PHF1: variants seen among roughly 807,000 people sequenced by gnomAD.
PHF1 encodes the protein polycomb-like 1.
Under a neutral mutation model 69.4 loss-of-function variants are expected in PHF1, and 16 were observed. The ratio of observed to expected loss-of-function variants is 0.23; its 90% CI spans 0.16 to 0.35. PHF1 has a LOEUF of 0.35. PHF1 is among the 10% of genes least tolerant of loss of function. The pLI is 1.00. For synonymous variants in PHF1, 274 were observed against 275.0 expected, an observed-to-expected ratio of 1.00 and a Z score of 0.04; for missense variants, 515 against 732.8, an observed-to-expected ratio of 0.70 and a Z score of 3.43.
At chr6:33,415,527 T>G in intron 13 of PHF1, 63 bp from the exon 14 acceptor site, 2 of 1,538,560 alleles carry the variant, frequency 1.3e-6, no homozygotes, top group Non-Finnish European at 1.8e-6. Flanking sequence ...GCTCTGCACT[T>G]CCCAGGGGGA....
chr6:33,412,494 C>G lies in PHF1; in HGVS notation c.160-14C>G. On this transcript the variant is annotated splice_polypyrimidine_tract_variant and intron_variant, in intron 2 of 14. Transcript: ENST00000374516. The surrounding 1 kb of genome is among the most constrained non-coding windows in gnomAD (Gnocchi z 4.2). ...TCTGGTTCCCATTTCATCCTGTTTG[C>G]TCACCCATTCCAGGTGGACAGTGCT... 1.2e-6 allele frequency: 2 copies of G among 1,614,210 alleles called. No individual in the cohort carries two copies. Among genetic ancestry groups the G allele is most frequent in the Non-Finnish European group, 8.5e-7 (1 of 1,180,006 alleles).
chr6:33,412,887 C>T lies in PHF1; in HGVS notation c.337+94C>T, dbSNP rs1776182879. ...CCTGGCCTTAGTCCCCAAGCCACTG[C>T]TCTGGCCAGGCTGCTTAGCCTTATC... On this transcript the variant is annotated intron_variant, in intron 4 of 14. Coordinates refer to ENST00000374516, the MANE Select transcript of PHF1 (RefSeq NM_024165.3). The surrounding 1 kb of genome is among the most constrained non-coding windows in gnomAD (Gnocchi z 4.2). 1.9e-6 allele frequency: 2 copies of T among 1,070,108 alleles called. No homozygotes were observed. The highest frequency in any genetic ancestry group is 2.9e-6 in the Non-Finnish European group (2 of 694,612). 66.3% of individuals were successfully genotyped at this position (1,070,108 alleles called of 1,614,324 possible).
At position 33,412,463 on chromosome 6, in the gene PHF1, T is replaced by G; in HGVS notation, c.159+41T>G. The G allele has an allele frequency of 1.2e-6, 2 of 1,614,222 alleles. No individual in the cohort carries two copies. Among genetic ancestry groups the G allele is most frequent in the Non-Finnish European group, 1.7e-6 (2 of 1,180,018 alleles). The stretch of plus-strand genomic sequence containing the variant: ...TCTGACCTTCTTCCTAGTTCCCTTA[T>G]CTAATTCTGGTTCCCATTTCATCCT... On this transcript the variant is annotated intron_variant, in intron 2 of 14. Transcript: ENST00000374516. The surrounding 1 kb of genome is among the most constrained non-coding windows in gnomAD (Gnocchi z 4.2).
Position 33,416,132 on chromosome 6 carries a change from A to ACACCG in PHF1, c.*35_*39dup. 1 of 1,501,670 alleles carries ACACCG rather than the reference A, an allele frequency of 6.7e-7. No individual in the cohort carries two copies. Among genetic ancestry groups the ACACCG allele is most frequent in the Non-Finnish European group, 8.9e-7 (1 of 1,127,432 alleles). 93.0% of individuals were successfully genotyped at this position (1,501,670 alleles called of 1,614,324 possible). ...CCTCTGCCCAGCTCCCCATTCACAC[A>ACACCG]CACCGGCACTTTCATACCCTGACCT... On this transcript the variant is annotated 3_prime_UTR_variant, in exon 15 of 15. Coordinates refer to ENST00000374516, the MANE Select transcript of PHF1 (RefSeq NM_024165.3).
chr6:33,411,193 C>T lies in PHF1; in HGVS notation c.-39C>T, dbSNP rs1200300883. 1 of 152,056 alleles carries T rather than the reference C, an allele frequency of 6.6e-6. No individual in the cohort carries two copies. The highest frequency in any genetic ancestry group is 1.5e-5 in the Non-Finnish European group (1 of 67,980). 9.4% of individuals were successfully genotyped at this position (152,056 alleles called of 1,614,324 possible). On this transcript the variant is annotated 5_prime_UTR_variant, in exon 1 of 15. Transcript: ENST00000374516. Reference sequence around the variant, plus strand: ...CTCCTACGTCTGCCCCTGCCCGGCTCCCGGCGGCCCCAGCTGTCACCGGTA... The same window carrying T: ...CTCCTACGTCTGCCCCTGCCCGGCTTCCGGCGGCCCCAGCTGTCACCGGTA...
At chr6:33,413,337 C>T (rs761072121) in intron 5 of PHF1, 41 bp downstream of exon 5, 1 of 1,610,690 alleles carries the variant, frequency 6.2e-7, no homozygotes, top group Non-Finnish European at 8.5e-7. Flanking sequence ...GGGAGCCTCC[C>T]ATCCACAGCC....
Position 33,414,231 on chromosome 6 carries a change from T to G in PHF1, c.753-12T>G. 2 of 1,614,024 alleles carry G rather than the reference T, an allele frequency of 1.2e-6. No homozygotes were observed. Among genetic ancestry groups the G allele is most frequent in the Non-Finnish European group, 1.7e-6 (2 of 1,179,982 alleles). On this transcript the variant is annotated splice_polypyrimidine_tract_variant and intron_variant, in intron 8 of 14. Transcript: ENST00000374516. This position sits in a 1 kb window ranked among gnomAD's most constrained non-coding sequence, Gnocchi z 5.0. ...AAATGCCTCTGTGGTCTTGAAAACT[T>G]TGTTTTTCCAGGGTGGATGTGGCCC... is the stretch of plus-strand genomic sequence containing the variant.
Position 33,414,490 on chromosome 6 carries a change from C to A in PHF1, c.890C>A (p.Pro297His). The A allele has an allele frequency of 6.2e-7, 1 of 1,613,960 alleles. No homozygotes were observed. Among genetic ancestry groups the A allele is most frequent in the Non-Finnish European group, 8.5e-7 (1 of 1,179,948 alleles). The change falls in exon 10 of 15, where the codon CCC (proline) becomes CAC (histidine). Residue 297 changes from proline to histidine, a missense_variant. Pro to His is a moderately conservative substitution (Grantham distance 77). This residue lies in a region of PHF1 where 142 missense variants were observed against 309.7 expected (regional missense o/e 0.46). Coordinates refer to ENST00000374516, the MANE Select transcript of PHF1 (RefSeq NM_024165.3). The surrounding 1 kb of genome is among the most constrained non-coding windows in gnomAD (Gnocchi z 5.0). The stretch of plus-strand genomic sequence containing the variant: ...CATTTCTCCCAGCTTTCAGACACCC[C>A]CAAAGGAGAACGTTCTTCCAGGCTC... ...SLLLGELSDT[P>H]KGERSSRLLS... is the part of the protein sequence containing the mutation.
rs1776481210 is a variant in PHF1, at chr6:33,416,411, T to A, written c.*313T>A. 2 of 543,528 alleles carry A rather than the reference T, an allele frequency of 3.7e-6. No individual in the cohort carries two copies. The highest frequency in any genetic ancestry group is 5.7e-5 in the South Asian group (2 of 35,038). The allele number at this position is 543,528 out of a possible 1,614,324, so 33.7% of individuals were successfully genotyped here. ...GGATGATAAGGGATCCCGGACTCTG[T>A]ATGATTGAAATAAAGAGAAATAAAC... On this transcript the variant is annotated 3_prime_UTR_variant, in exon 15 of 15. Transcript: ENST00000374516.
At position 33,412,562 on chromosome 6, in the gene PHF1, C is replaced by T; in HGVS notation, c.214C>T (p.Leu72=). Residue 72 remains leucine, a synonymous_variant, in exon 3 of 15, where the codon CTG becomes TTG. Transcript: ENST00000374516. This position sits in a 1 kb window ranked among gnomAD's most constrained non-coding sequence, Gnocchi z 4.2. ...LVQFEDDSQF[L]VLWKDISPAA... ...CCAGTTTGAGGATGATTCGCAGTTTCTGGTTCTATGGAAAGACATTAGCCC... is the reference window on the plus strand; with the variant it reads ...CCAGTTTGAGGATGATTCGCAGTTTTTGGTTCTATGGAAAGACATTAGCCC... The T allele has an allele frequency of 6.2e-7, 1 of 1,614,250 alleles. No homozygotes were observed. Among genetic ancestry groups the T allele is most frequent in the South Asian group, 1.1e-5 (1 of 91,088 alleles).
Position 33,415,620 on chromosome 6 carries a change from C to G in PHF1, c.1365C>G (p.His455Gln). 1 of 1,614,090 alleles carries G rather than the reference C, an allele frequency of 6.2e-7. No homozygotes were observed. Among genetic ancestry groups the G allele is most frequent in the Non-Finnish European group, 8.5e-7 (1 of 1,179,982 alleles). Residue 455 changes from histidine to glutamine, a missense_variant, in exon 14 of 15, where the codon CAC (histidine) becomes CAG (glutamine). By Grantham distance (24) the His-to-Gln change is conservative (BLOSUM62 0). Coordinates refer to ENST00000374516, the MANE Select transcript of PHF1 (RefSeq NM_024165.3). ...SSPIRMFASF[H>Q]PSASTAGTSG... The stretch of plus-strand genomic sequence containing the variant: ...CCATCCGGATGTTTGCTTCCTTCCA[C>G]CCTTCTGCCAGCACCGCAGGGACCT...
chr6:33,413,379 T>A, intron 5 of PHF1, 30 bp from the exon 6 acceptor site: 1 of 1,613,510 alleles, frequency 6.2e-7, no homozygotes, highest in Non-Finnish European at 8.5e-7. Context: ...CCCACCCCTC[T>A]GAAGCCACCC....
Position 33,414,078 on chromosome 6 carries a change from C to A in PHF1, c.721C>A (p.Pro241Thr), listed in dbSNP as rs1444015327. 1 of 1,614,066 alleles carries A rather than the reference C, an allele frequency of 6.2e-7. No homozygotes were observed. Among genetic ancestry groups the A allele is most frequent in the African/African-American group, 1.3e-5 (1 of 74,978 alleles). The change falls in exon 8 of 15, where the codon CCT becomes ACT. Residue 241 changes from proline (P) to threonine (T), a missense_variant. Physicochemically the swap from Pro to Thr is conservative, Grantham distance 38. Coordinates refer to ENST00000374516, the MANE Select transcript of PHF1 (RefSeq NM_024165.3). The surrounding 1 kb of genome is among the most constrained non-coding windows in gnomAD (Gnocchi z 5.0). ...EFECCVCRGG[P>T]EKVRRLQLRW... ...TGAATGCTGTGTGTGTCGCGGGGGC[C>A]CTGAGAAAGTCCGGAGACTACAGCT...
At position 33,416,217 on chromosome 6, in the gene PHF1, C is replaced by T; in HGVS notation, c.*119C>T. The T allele has an allele frequency of 1.2e-6, 1 of 840,108 alleles. No homozygotes were observed. Among genetic ancestry groups the T allele is most frequent in the Non-Finnish European group, 1.7e-6 (1 of 578,888 alleles). The allele number at this position is 840,108 out of a possible 1,614,324, so 52.0% of individuals were successfully genotyped here. Reference sequence around the variant, plus strand: ...GATAGGGGGTAGTTCTCCCTACTGCCCAGGCTGGAATCCAAGAGTGGGGAG... The same window carrying T: ...GATAGGGGGTAGTTCTCCCTACTGCTCAGGCTGGAATCCAAGAGTGGGGAG... On this transcript the variant is annotated 3_prime_UTR_variant, in exon 15 of 15. Transcript: ENST00000374516.
intron 1 of PHF1, among the ~76,000 whole-genome samples, chr6:33,411,510 C>T (rs1211621174): frequency 6.6e-6 from 1 of 152,194 alleles, no homozygotes; most frequent in African/African-American, 2.4e-5. Context: ...GGGAGACAGC[C>T]GTTTCTGCTC....
intron 4 of PHF1, 60 bp from the exon 5 acceptor site, chr6:33,413,136 C>A: frequency 7.3e-7 from 1 of 1,375,050 alleles, no homozygotes; most frequent in Non-Finnish European, 1.0e-6. Flanking sequence ...AAAGACTATT[C>A]CTGTCCCAAT....
At chr6:33,413,144 A>G in intron 4 of PHF1, 52 bp from the exon 5 acceptor site, 3 of 1,446,098 alleles carry the variant, frequency 2.1e-6, no homozygotes, top group Non-Finnish European at 2.9e-6. Flanking sequence ...TTCCTGTCCC[A>G]ATACCAAGCA....
Position 33,414,434 on chromosome 6 carries a change from A to T in PHF1, c.877-43A>T. The T allele has an allele frequency of 1.2e-6, 2 of 1,613,600 alleles. No homozygotes were observed. Among genetic ancestry groups the T allele is most frequent in the Non-Finnish European group, 1.7e-6 (2 of 1,179,578 alleles). ...GATGTAGCGGAAAGGGGAAGAGAAG[A>T]AATCACTGCTCCCCTGGCCCCATTT... On this transcript the variant is annotated intron_variant, in intron 9 of 14. Transcript: ENST00000374516. This position sits in a 1 kb window ranked among gnomAD's most constrained non-coding sequence, Gnocchi z 5.0.
rs1776146868 is a variant in PHF1 at position 33,412,483 on chromosome 6, C to G, written c.160-25C>G. 1 of 1,614,080 alleles carries G rather than the reference C, an allele frequency of 6.2e-7. No individual in the cohort carries two copies. The highest frequency in any genetic ancestry group is 1.1e-5 in the South Asian group (1 of 91,094). On this transcript the variant is annotated intron_variant, in intron 2 of 14. Coordinates refer to ENST00000374516, the MANE Select transcript of PHF1 (RefSeq NM_024165.3). The surrounding 1 kb of genome is among the most constrained non-coding windows in gnomAD (Gnocchi z 4.2). ...CCTTATCTAATTCTGGTTCCCATTT[C>G]ATCCTGTTTGCTCACCCATTCCAGG... is the stretch of plus-strand genomic sequence containing the variant.
Sources: gnomAD v4.1 joint callset for allele counts (sites outside exome capture counted in the v4.1 genomes callset) on GRCh38, gnomAD v4.1.1 for gene constraint, gnomAD v4.1.1 regional missense constraint, Gnocchi (gnomAD v3.1) non-coding constraint, MANE v1.5 for transcripts, NCBI Gene and HGNC (gene_info 2026-07-23, HGNC 2026-07-21) for gene names.